Variants in PGAM5 observed in about 807,000 individuals in gnomAD.
PGAM5 encodes serine/threonine-protein phosphatase PGAM5, mitochondrial.
A neutral mutation model predicts 30.6 loss-of-function variants in PGAM5; 25 were observed. That is an observed-to-expected ratio of 0.82 (90% CI 0.60 to 1.14). PGAM5 has a LOEUF of 1.14. PGAM5 is among the 50% of genes most tolerant of loss of function. The pLI, the probability that PGAM5 is intolerant of heterozygous loss-of-function variation, is 0.00. For synonymous variants in PGAM5, 201 were observed against 179.1 expected, an observed-to-expected ratio of 1.12 and a Z score of -0.98; for missense variants, 384 against 408.5, an observed-to-expected ratio of 0.94 and a Z score of 0.52.
At position 132,720,871 on chromosome 12, in the gene PGAM5, G is replaced by GCACA. The variant is rs1470186033; in HGVS notation, c.*47_*50dup. 4 of 1,516,946 alleles carry GCACA rather than the reference G, an allele frequency of 2.6e-6. No individual in the cohort carries two copies. In the East Asian group the frequency reaches 9.9e-5, roughly 38 times the overall value. The allele number at this position is 1,516,946 out of a possible 1,614,324, so 94.0% of individuals were successfully genotyped here. On this transcript the variant is annotated 3_prime_UTR_variant, in exon 6 of 6. Transcript: ENST00000498926. The stretch of plus-strand genomic sequence containing the variant: ...TCCCTCTGTCCTCCCTGCACAGGCC[G>GCACA]CACACACTTAACGTTTTGTTCCCAA...
rs1358921800 is a variant in PGAM5, at chr12:132,710,914, G to A, written c.38G>A (p.Gly13Glu). The A allele has an allele frequency of 8.7e-7, 1 of 1,152,668 alleles. No homozygotes were observed. The highest frequency in any genetic ancestry group is 1.1e-6 in the Non-Finnish European group (1 of 938,480). The allele number at this position is 1,152,668 out of a possible 1,614,324, so 71.4% of individuals were successfully genotyped here. A position where few individuals can be genotyped will look rare whatever the true frequency, so the allele number is the denominator to read the frequency against. The change falls in exon 1 of 6, where the codon GGG becomes GAG. Residue 13 changes from glycine (G) to glutamate (E), a missense_variant. Transcript: ENST00000498926. ...CAGGCGCTGCAGCTGGCGGCCTGCG[G>A]GCTGGCCGGGGGCTCGGCCGCCGTG... ...FRQALQLAAC[G>E]LAGGSAAVLF... is the part of the protein sequence containing the mutation.
At chr12:132,720,125 G>GATCCCAGTCATCGATTCACGTCA (rs1230730040) in intron 5 of PGAM5, among the ~76,000 whole-genome samples, 4 of 152,114 alleles carry the variant, frequency 2.6e-5, no homozygotes, top group African/African-American at 7.2e-5. Context: ...GATTCACGTC[G>GATCCCAGTCATCGATTCACGTCA]ATCCCAGCCA....
chr12:132,717,984 C>G lies in PGAM5; in HGVS notation c.586-3C>G. Reference sequence around the variant, plus strand: ...CACTGACGGCTCCTCACTCTGCCCCCAGCAGTATTACGAAGACGGAGCCCG... The same window carrying G: ...CACTGACGGCTCCTCACTCTGCCCCGAGCAGTATTACGAAGACGGAGCCCG... On this transcript the variant is annotated splice_polypyrimidine_tract_variant and splice_region_variant and intron_variant, in intron 4 of 5. Coordinates refer to ENST00000498926, the MANE Select transcript of PGAM5 (RefSeq NM_001170543.2). The G allele has an allele frequency of 6.2e-7, 1 of 1,612,710 alleles. No homozygotes were observed. The highest frequency in any genetic ancestry group is 1.7e-4 in the Middle Eastern group (1 of 6,060).
At chr12:132,719,900 C>G (rs1449605149) in intron 5 of PGAM5, among the ~76,000 whole-genome samples, 1 of 151,876 alleles carries the variant, frequency 6.6e-6, no homozygotes, top group South Asian at 2.1e-4. Flanking sequence ...GCGGGTAGAT[C>G]CCATCTCCGT....
In PGAM5 at chr12:132,722,543, T is replaced by C. The variant is rs1437038328; in HGVS notation, c.*1715T>C. ...GATTACAGGCGTGAGCTAGCATGCC[T>C]GGCCAGGGATTAAAATATTCAAACA... On this transcript the variant is annotated 3_prime_UTR_variant, in exon 6 of 6. Transcript: ENST00000498926. 1 of 148,968 alleles carries C rather than the reference T, an allele frequency of 6.7e-6. No individual in the cohort carries two copies. Among genetic ancestry groups the C allele is most frequent in the Non-Finnish European group, 1.5e-5 (1 of 67,362 alleles). 9.2% of individuals were successfully genotyped at this position (148,968 alleles called of 1,614,324 possible).
In PGAM5 at chr12:132,718,037, C is replaced by T; in HGVS notation, c.636C>T (p.Ile212=). 5 of 1,612,850 alleles carry T rather than the reference C, an allele frequency of 3.1e-6. No homozygotes were observed. Among genetic ancestry groups the T allele is most frequent in the East Asian group, 2.2e-5 (1 of 44,836 alleles). ...ARIEAAFRNY[I]HRADARQEED... is the part of the protein sequence containing the mutation. ...TCGAGGCCGCCTTCCGGAACTACAT[C>T]CACCGCGCAGATGCCAGGCAGGAGG... Residue 212 remains isoleucine (I), a synonymous_variant, in exon 5 of 6, where the codon ATC becomes ATT. Transcript: ENST00000498926.
Position 132,718,076 on chromosome 12 carries a change from G to A in PGAM5, c.675G>A (p.Glu225=), listed in dbSNP as rs17850304. The change falls in exon 5 of 6, where the codon GAG becomes GAA. Residue 225 remains glutamate, a synonymous_variant. Transcript: ENST00000498926. The stretch of plus-strand genomic sequence containing the variant: ...CCAGGCAGGAGGAGGACAGTTACGA[G>A]ATCTTCATCTGTCACGCCAACGTCA... ...ADARQEEDSY[E]IFICHANVIR... The A allele has an allele frequency of 5.2e-3, 8,392 of 1,612,804 alleles. 305 individuals are homozygous for A. The African/African-American group carries it at 0.089, about 17-fold the overall frequency.
intron 2 of PGAM5, among the ~76,000 whole-genome samples, chr12:132,716,155 G>A (rs1046744970): frequency 6.6e-6 from 1 of 151,918 alleles, no homozygotes; most frequent in African/African-American, 2.4e-5. Context: ...ACGTGATCTT[G>A]GCCCGCTGCA....
chr12:132,722,626 G>A lies in PGAM5; in HGVS notation c.*1798G>A, dbSNP rs1014731510. On this transcript the variant is annotated 3_prime_UTR_variant, in exon 6 of 6. Coordinates refer to ENST00000498926, the MANE Select transcript of PGAM5 (RefSeq NM_001170543.2). ...GGAAAAACAGTACAATTTCTATGAA[G>A]TGGTTGTGACTATTTTCTGTAGTCA... The A allele has an allele frequency of 6.6e-6, 1 of 152,218 alleles. No individual in the cohort carries two copies. The highest frequency in any genetic ancestry group is 2.4e-5 in the African/African-American group (1 of 41,448). The allele number at this position is 152,218 out of a possible 1,614,324, so 9.4% of individuals were successfully genotyped here.
At chr12:132,719,202 G>A in intron 5 of PGAM5, 1 of 1,164,104 alleles carries the variant, frequency 8.6e-7, no homozygotes, top group South Asian at 1.9e-5. Flanking sequence ...GGAAATGTGT[G>A]TGTGGGCTCC....
chr12:132,718,898 C>T, intron 5 of PGAM5: 1 of 1,598,694 alleles, frequency 6.3e-7, no homozygotes, highest in Non-Finnish European at 8.5e-7. Flanking sequence ...GTCGAGGCCA[C>T]AGCTGAGTCA....
intron 2 of PGAM5, among the ~76,000 whole-genome samples, chr12:132,715,313 GTAA>G (rs2043564299): frequency 6.6e-6 from 1 of 152,110 alleles, no homozygotes; most frequent in Non-Finnish European, 1.5e-5. Context: ...GCTCACGCCT[GTAA>G]TCCCAGCACT....
intron 2 of PGAM5, among the ~76,000 whole-genome samples, chr12:132,716,005 G>A (rs2043573991): frequency 6.6e-6 from 1 of 152,158 alleles, no homozygotes; most frequent in Non-Finnish European, 1.5e-5. Flanking sequence ...CGTGGCTTGT[G>A]CCCTCGGCTG....
chr12:132,722,076 T>C lies in PGAM5; in HGVS notation c.*1248T>C, dbSNP rs1376220900. The C allele has an allele frequency of 1.3e-5, 2 of 152,084 alleles. No individual in the cohort carries two copies. The highest frequency in any genetic ancestry group is 4.8e-5 in the African/African-American group (2 of 41,384). 9.4% of individuals were successfully genotyped at this position (152,084 alleles called of 1,614,324 possible). A position where few individuals can be genotyped will look rare whatever the true frequency, so the allele number is the denominator to read the frequency against. The stretch of plus-strand genomic sequence containing the variant: ...ATGGGGGAGGGGCAGGTGAGGTGGG[T>C]CTACAGAGGTGGCTTCGCCTTTGAC... On this transcript the variant is annotated 3_prime_UTR_variant, in exon 6 of 6. Transcript: ENST00000498926.
At chr12:132,718,861 C>A in intron 5 of PGAM5, 1 of 1,612,480 alleles carries the variant, frequency 6.2e-7, no homozygotes, top group Non-Finnish European at 8.5e-7. Flanking sequence ...GCCAGCGTGA[C>A]GGCTCGGGGT....
At chr12:132,711,731 T>C (rs2043524787) in intron 1 of PGAM5, 1 of 149,346 alleles carries the variant, frequency 6.7e-6, no homozygotes. Flanking sequence ...GGCTGCACAG[T>C]GTGAGCCGAG....
intron 1 of PGAM5, among the ~76,000 whole-genome samples, chr12:132,711,988 T>G (rs1424449851): frequency 1.3e-5 from 2 of 152,194 alleles, no homozygotes; most frequent in African/African-American, 2.4e-5. Flanking sequence ...GTTTTCCCAG[T>G]CCTAACTCCT....
Position 132,720,994 on chromosome 12 carries a change from C to T in PGAM5, c.*166C>T, listed in dbSNP as rs1354391193. Reference sequence around the variant, plus strand: ...GAGTTGGGATCAGACAGCCTGACTTCTCTGCAGGGTTTTATACCTGACCAT... The same window carrying T: ...GAGTTGGGATCAGACAGCCTGACTTTTCTGCAGGGTTTTATACCTGACCAT... On this transcript the variant is annotated 3_prime_UTR_variant, in exon 6 of 6. Transcript: ENST00000498926. The T allele has an allele frequency of 1.2e-6, 1 of 859,364 alleles. No individual in the cohort carries two copies. The highest frequency in any genetic ancestry group is 1.7e-6 in the Non-Finnish European group (1 of 578,084). 53.2% of individuals were successfully genotyped at this position (859,364 alleles called of 1,614,324 possible). A position where few individuals can be genotyped will look rare whatever the true frequency, so the allele number is the denominator to read the frequency against.
chr12:132,715,571 A>C (rs2043567720), intron 2 of PGAM5, among the ~76,000 whole-genome samples: 1 of 21,396 alleles, frequency 4.7e-5, no homozygotes, highest in Non-Finnish European at 1.0e-4. Flanking sequence ...ACTCCGTCTC[A>C]AAAAAAAAAA....
Sources: gnomAD v4.1 joint callset for allele counts (sites outside exome capture counted in the v4.1 genomes callset) on GRCh38, gnomAD v4.1.1 for gene constraint, MANE v1.5 for transcripts, NCBI Gene and HGNC (gene_info 2026-07-23, HGNC 2026-07-21) for gene names.